Variants in SYT16 observed in about 807,000 individuals in gnomAD.
SYT16 encodes synaptotagmin 16, also known as synaptotagmin-16.
In SYT16, 42 loss-of-function variants were observed where a neutral mutation model predicts 61.4. That is an observed-to-expected ratio of 0.68 (90% CI 0.53 to 0.89). SYT16 has a LOEUF of 0.89. SYT16 is among the 40% of genes least tolerant of loss of function. The probability of loss-of-function intolerance (pLI) is 0.00; values close to 1 mark genes in which losing one functional copy is unlikely to be tolerated. For missense variants in SYT16, 804 were observed against 807.3 expected (o/e 1.00, Z 0.05); for synonymous variants, 314 against 302.3 (o/e 1.04, Z -0.40).
rs750903099 is a variant in SYT16, at chr14:61,824,129, C to T, written c.-325+11319C>T. On this transcript the variant is annotated intron_variant, in intron 1 of 7. Coordinates refer to ENST00000683842, the MANE Select transcript of SYT16 (RefSeq NM_001367656.1). The stretch of plus-strand genomic sequence containing the variant: ...AAGGGTTCTTTTCAGCACTGTGGCC[C>T]GAGTCCCATGCTGTTCTGTTTTCTC... Among the ~76,000 whole-genome samples the T allele has an allele frequency of 1.6e-4, 25 of 152,188 alleles. 1 individual carries two copies. The highest frequency in any genetic ancestry group is 5.9e-4 in the Admixed American group (9 of 15,292).
chr14:61,973,740 C>T (rs1184602793), intron 2 of SYT16, among the ~76,000 whole-genome samples: 1 of 152,038 alleles, frequency 6.6e-6, no homozygotes, highest in Non-Finnish European at 1.5e-5. Context: ...GGCACATTGT[C>T]TATGCTTTTA....
chr14:62,082,936 G>A (rs1017827082), intron 6 of SYT16, among the ~76,000 whole-genome samples: 3 of 152,190 alleles, frequency 2.0e-5, no homozygotes, highest in African/African-American at 4.8e-5. Context: ...AGATTTATAC[G>A]GATTCAGAAT....
At chr14:62,084,047 C>G in intron 6 of SYT16, 149 bp from the exon 7 acceptor site, 1 of 806,928 alleles carries the variant, frequency 1.2e-6, no homozygotes, top group Non-Finnish European at 1.9e-6. Context: ...CTCCCTGGGC[C>G]CATTGTAATT....
intron 1 of SYT16, among the ~76,000 whole-genome samples, chr14:61,816,796 G>C (rs544858994): frequency 6.6e-6 from 1 of 152,094 alleles, no homozygotes. Flanking sequence ...CGGATCACGA[G>C]GTCAGGAGAT....
At position 62,111,395 on chromosome 14, in the gene SYT16, A is replaced by G. The variant is rs2057606039; in HGVS notation, c.*10688A>G. 1 of 152,104 alleles carries G rather than the reference A, an allele frequency of 6.6e-6. No individual in the cohort carries two copies. The highest frequency in any genetic ancestry group is 2.4e-5 in the African/African-American group (1 of 41,462). 9.4% of individuals were successfully genotyped at this position (152,104 alleles called of 1,614,324 possible). ...ATATTACTATTCTACTCACAGCTGG[A>G]TGCTGCAGATGTATTAACATTGTAA... On this transcript the variant is annotated 3_prime_UTR_variant, in exon 8 of 8. Coordinates refer to ENST00000683842, the MANE Select transcript of SYT16 (RefSeq NM_001367656.1).
At chr14:62,075,088 G>T (rs1241412350) in intron 4 of SYT16, 47 bp from the exon 5 acceptor site, 2 of 1,545,536 alleles carry the variant, frequency 1.3e-6, no homozygotes, top group African/African-American at 1.4e-5. Context: ...AGGTAAAAAG[G>T]TGTTAAAAAT....
At position 61,957,729 on chromosome 14, in the gene SYT16, G is replaced by A. The variant is rs28833863; in HGVS notation, c.-324-12403G>A. Among the ~76,000 whole-genome samples, 1,166 of 151,912 alleles carry A rather than the reference G, an allele frequency of 7.7e-3. 11 individuals carry two copies. The highest frequency in any genetic ancestry group is 0.027 in the African/African-American group (1,124 of 41,490). Reference sequence around the variant, plus strand: ...GCTAGTGTTTTTGTTGAAGATTTTTGTATATTCATTTATCAGGGAAATTGG... The same window carrying A: ...GCTAGTGTTTTTGTTGAAGATTTTTATATATTCATTTATCAGGGAAATTGG... On this transcript the variant is annotated intron_variant, in intron 1 of 7. Coordinates refer to ENST00000683842, the MANE Select transcript of SYT16 (RefSeq NM_001367656.1).
chr14:62,018,796 C>T (rs1357458250), intron 3 of SYT16, among the ~76,000 whole-genome samples: 1 of 152,182 alleles, frequency 6.6e-6, no homozygotes, highest in African/African-American at 2.4e-5. Context: ...CACTCTCCAC[C>T]TGTCCCCATC....
At chr14:61,817,026 CACAAAA>C (rs1437602894) in intron 1 of SYT16, among the ~76,000 whole-genome samples, 1 of 86,086 alleles carries the variant, frequency 1.2e-5, no homozygotes, top group African/African-American at 5.5e-5. Flanking sequence ...CACACACACA[CACAAAA>C]AAAGCATTTT....
At chr14:61,967,800 G>A (rs2051376747) in intron 1 of SYT16, among the ~76,000 whole-genome samples, 1 of 152,224 alleles carries the variant, frequency 6.6e-6, no homozygotes, top group African/African-American at 2.4e-5. Flanking sequence ...ACCTGCTACA[G>A]GAGGCTTTAG....
At chr14:62,085,409 G>A (rs549351431) in intron 7 of SYT16, among the ~76,000 whole-genome samples, 7 of 152,178 alleles carry the variant, frequency 4.6e-5, no homozygotes, top group African/African-American at 1.7e-4. Flanking sequence ...TAAACTAGAA[G>A]GGAGTAGAGT....
At chr14:62,001,136 A>T (rs1035781781) in intron 3 of SYT16, among the ~76,000 whole-genome samples, 3 of 152,236 alleles carry the variant, frequency 2.0e-5, no homozygotes, top group African/African-American at 7.2e-5. Context: ...TACCTCATTT[A>T]TGCCACATGA....
At chr14:61,892,957 C>T (rs1369977961) in intron 1 of SYT16, among the ~76,000 whole-genome samples, 1 of 152,054 alleles carries the variant, frequency 6.6e-6, no homozygotes, top group African/African-American at 2.4e-5. Context: ...GGCCGCCTTC[C>T]ACAAGCCTTC....
chr14:61,917,603 T>C (rs2049170500), intron 1 of SYT16, among the ~76,000 whole-genome samples: 1 of 152,174 alleles, frequency 6.6e-6, no homozygotes, highest in African/African-American at 2.4e-5. Flanking sequence ...TTGATATTGT[T>C]TGAGTTTCTG....
chr14:61,816,680 C>T (rs2045437245), intron 1 of SYT16, among the ~76,000 whole-genome samples: 1 of 152,144 alleles, frequency 6.6e-6, no homozygotes, highest in Admixed American at 6.5e-5. Flanking sequence ...TTTAGGATCC[C>T]TCTCTGCTGC....
chr14:61,849,809 T>G (rs140082535), intron 1 of SYT16, among the ~76,000 whole-genome samples: 1 of 152,194 alleles, frequency 6.6e-6, no homozygotes, highest in Non-Finnish European at 1.5e-5. Flanking sequence ...TTCATTCTTA[T>G]GTAGGTGCTT....
At chr14:62,067,815 A>G (rs766479948) in intron 3 of SYT16, among the ~76,000 whole-genome samples, 4 of 151,978 alleles carry the variant, frequency 2.6e-5, no homozygotes, top group African/African-American at 9.7e-5. Context: ...AAACAAACAA[A>G]CAAACAAACA....
intron 1 of SYT16, among the ~76,000 whole-genome samples, chr14:61,902,618 C>T (rs1299884868): frequency 6.6e-6 from 1 of 152,200 alleles, no homozygotes; most frequent in Non-Finnish European, 1.5e-5. Flanking sequence ...GTCATGCTTC[C>T]TCTGAAACTT....
intron 1 of SYT16, among the ~76,000 whole-genome samples, chr14:61,872,967 G>C (rs1467232002): frequency 6.6e-6 from 1 of 152,146 alleles, no homozygotes; most frequent in Non-Finnish European, 1.5e-5. Context: ...ATACAGATGA[G>C]ACTCATATTA....
Sources: allele counts gnomAD v4.1 joint callset (sites outside exome capture counted in the v4.1 genomes callset), GRCh38; gene constraint gnomAD v4.1.1; transcripts MANE v1.5; gene names NCBI Gene and HGNC (gene_info 2026-07-23, HGNC 2026-07-21).